Variants in UVSSA observed in about 807,000 individuals in gnomAD.
UVSSA encodes UV-stimulated scaffold protein A.
In UVSSA, 72 loss-of-function variants were observed where a neutral mutation model predicts 73.9. The ratio of observed to expected loss-of-function variants is 0.97; its 90% CI spans 0.81 to 1.19. UVSSA has a LOEUF of 1.19. Ranked by LOEUF, UVSSA falls within the 50% of genes most tolerant of loss-of-function variation. UVSSA has a pLI of 0.00. For synonymous variants in UVSSA, 454 were observed against 391.3 expected (o/e 1.16, Z -1.89); for missense variants, 1,150 against 965.0 (o/e 1.19, Z -2.54).
chr4:1,354,844 C>A lies in UVSSA; in HGVS notation c.1044C>A (p.Ile348=). The A allele has an allele frequency of 6.2e-7, 1 of 1,606,434 alleles. No individual in the cohort carries two copies. The highest frequency in any genetic ancestry group is 8.5e-7 in the Non-Finnish European group (1 of 1,177,846). The change falls in exon 6 of 14, where the codon ATC becomes ATA. Residue 348 remains isoleucine, a synonymous_variant. Coordinates refer to ENST00000389851, the MANE Select transcript of UVSSA (RefSeq NM_020894.4). Reference sequence around the variant, plus strand: ...TCCTGCCGGCTGTGTGCTCGTGGATCCAGGTGAGCCTCGAACCTGGGACCT... The same window carrying A: ...TCCTGCCGGCTGTGTGCTCGTGGATACAGGTGAGCCTCGAACCTGGGACCT... ...NKFLPAVCSW[I]QRFTRVGTHG...
intron 3 of UVSSA, among the ~76,000 whole-genome samples, chr4:1,350,356 A>G (rs1044265624): frequency 2.0e-5 from 3 of 151,248 alleles, no homozygotes; most frequent in Non-Finnish European, 4.4e-5. Context: ...CCCTTACCCC[A>G]CCTGCCACGA....
intron 7 of UVSSA, among the ~76,000 whole-genome samples, chr4:1,361,537 C>A (rs1560450377): frequency 6.6e-6 from 1 of 152,278 alleles, no homozygotes; most frequent in Non-Finnish European, 1.5e-5. Flanking sequence ...TCTGCTCGGC[C>A]CCGACAGTGC....
chr4:1,378,016 C>T (rs1021535773), intron 10 of UVSSA, among the ~76,000 whole-genome samples: 1 of 152,264 alleles, frequency 6.6e-6, no homozygotes, highest in Non-Finnish European at 1.5e-5. Context: ...TGGCTGGCCC[C>T]TAGCCAGGAT....
intron 10 of UVSSA, among the ~76,000 whole-genome samples, chr4:1,379,732 G>A (rs926151890): frequency 2.0e-5 from 3 of 151,582 alleles, no homozygotes; most frequent in African/African-American, 4.9e-5. Context: ...GGTGGCAGTC[G>A]TGCCCGTGGT....
At chr4:1,356,232 T>A (rs191225312) in intron 7 of UVSSA, among the ~76,000 whole-genome samples, 125 of 151,846 alleles carry the variant, frequency 8.2e-4, no homozygotes, top group African/African-American at 2.9e-3. Flanking sequence ...TGCTCCTTGC[T>A]GAGGAAGAGG....
chr4:1,348,562 T>G (rs757629250), intron 2 of UVSSA, among the ~76,000 whole-genome samples: 3 of 152,150 alleles, frequency 2.0e-5, no homozygotes, highest in Non-Finnish European at 4.4e-5. Flanking sequence ...GTCCATCGCC[T>G]TTAGGGTATG....
At chr4:1,353,462 G>T in intron 5 of UVSSA, 49 bp downstream of exon 5, 1 of 1,438,384 alleles carries the variant, frequency 7.0e-7, no homozygotes, top group South Asian at 1.5e-5. Flanking sequence ...CCCGGCTCCC[G>T]GGTAGGCTCC....
In UVSSA at chr4:1,386,144, G is replaced by A. The variant is rs1056468688; in HGVS notation, c.*183G>A. 10 of 662,134 alleles carry A rather than the reference G, an allele frequency of 1.5e-5. No homozygotes were observed. Among genetic ancestry groups the A allele is most frequent in the African/African-American group, 1.8e-5 (1 of 55,796 alleles). 41.0% of individuals were successfully genotyped at this position (662,134 alleles called of 1,614,324 possible). ...CTCTGCTGCTACAGGGTTCGGCATC[G>A]TCTGGTGATGGGTCTGGCCTCGCAG... On this transcript the variant is annotated 3_prime_UTR_variant, in exon 14 of 14. Transcript: ENST00000389851.
chr4:1,383,293 C>T (rs1349725924), intron 12 of UVSSA, among the ~76,000 whole-genome samples: 2 of 152,246 alleles, frequency 1.3e-5, no homozygotes, highest in Admixed American at 6.5e-5. Context: ...CCAGCCCTGC[C>T]ACACGTACCT....
chr4:1,367,153 G>A lies in UVSSA; in HGVS notation c.1288+722G>A, dbSNP rs572406296. Among the ~76,000 whole-genome samples the A allele has an allele frequency of 7.9e-5, 12 of 152,310 alleles. No individual in the cohort carries two copies. In the South Asian group the frequency reaches 1.0e-3, roughly 13 times the overall value. On this transcript the variant is annotated intron_variant, in intron 8 of 13. Coordinates refer to ENST00000389851, the MANE Select transcript of UVSSA (RefSeq NM_020894.4). ...CTCTTCTCACTGTCAGGGAGCACTCGGGAGGTGCCGAACCCTGCCACAGCC... is the reference window on the plus strand; with the variant it reads ...CTCTTCTCACTGTCAGGGAGCACTCAGGAGGTGCCGAACCCTGCCACAGCC...
intron 8 of UVSSA, among the ~76,000 whole-genome samples, chr4:1,372,144 T>G (rs1199940958): frequency 6.6e-6 from 1 of 152,256 alleles, no homozygotes; most frequent in African/African-American, 2.4e-5. Flanking sequence ...TTGGTCACTG[T>G]TTTCGTAGTA....
intron 12 of UVSSA, among the ~76,000 whole-genome samples, chr4:1,381,206 C>G (rs140173003): frequency 1.3e-3 from 191 of 152,332 alleles, no homozygotes; most frequent in African/African-American, 4.3e-3. Flanking sequence ...TTTAGGGGGT[C>G]ACGTGTTCAT....
At chr4:1,379,708 G>A (rs1719211451) in intron 10 of UVSSA, among the ~76,000 whole-genome samples, 1 of 152,072 alleles carries the variant, frequency 6.6e-6, no homozygotes, top group African/African-American at 2.4e-5. Context: ...CCTATAGGGA[G>A]AGCCCATCTT....
rs914509929 is a variant in UVSSA, at chr4:1,380,731, G to C, written c.1753-149G>C. 14 of 1,551,122 alleles carry C rather than the reference G, an allele frequency of 9.0e-6. No individual in the cohort carries two copies. The Admixed American group carries it at 2.4e-4, about 26-fold the overall frequency. On this transcript the variant is annotated intron_variant, in intron 11 of 13. Transcript: ENST00000389851. ...TGGCTCTCAGGACGCCCTCCTCTGA[G>C]GGGCGCGTGATTCCAGGTTGTGTAC...
chr4:1,357,788 C>T (rs547433110), intron 7 of UVSSA, among the ~76,000 whole-genome samples: 5 of 152,354 alleles, frequency 3.3e-5, no homozygotes, highest in Admixed American at 2.6e-4. Flanking sequence ...TCCTGCTGGC[C>T]GTGCCCTTCT....
intron 7 of UVSSA, among the ~76,000 whole-genome samples, chr4:1,365,313 T>C (rs917123427): frequency 2.0e-5 from 3 of 152,226 alleles, no homozygotes; most frequent in Admixed American, 1.3e-4. Context: ...GCTGGTCTTA[T>C]GGTCACAGCT....
chr4:1,348,649 T>C (rs1714123760), intron 2 of UVSSA, among the ~76,000 whole-genome samples: 1 of 152,208 alleles, frequency 6.6e-6, no homozygotes, highest in Non-Finnish European at 1.5e-5. Context: ...CAGAGATTCA[T>C]GGGGGAAGCA....
intron 7 of UVSSA, among the ~76,000 whole-genome samples, chr4:1,358,788 C>T (rs765570352): frequency 6.6e-6 from 1 of 152,240 alleles, no homozygotes; most frequent in Admixed American, 6.5e-5. Flanking sequence ...CACTTCCCTC[C>T]GTGTCTCCCC....
At chr4:1,357,215 C>G (rs1370182023) in intron 7 of UVSSA, among the ~76,000 whole-genome samples, 1 of 147,672 alleles carries the variant, frequency 6.8e-6, no homozygotes, top group Admixed American at 6.7e-5. Context: ...CTCATCAGGC[C>G]TGGGCCCCTC....
Sources: allele counts gnomAD v4.1 joint callset (sites outside exome capture counted in the v4.1 genomes callset), GRCh38; gene constraint gnomAD v4.1.1; transcripts MANE v1.5; gene names NCBI Gene and HGNC (gene_info 2026-07-23, HGNC 2026-07-21).